Variants in CFAP263 observed in about 807,000 individuals in gnomAD.
CFAP263 encodes cilia- and flagella-associated protein 263.
At chr16:58,252,912 A>G in the CFAP263 span, 3 of 1,575,326 alleles carry the variant, frequency 1.9e-6, no homozygotes, top group African/African-American at 4.0e-5. Flanking sequence ...TGCAAGTGGT[A>G]TTTGTTTATC....
At chr16:58,266,159 C>G in the CFAP263 span, among the ~76,000 whole-genome samples, 516 of 152,006 alleles carry the variant, frequency 3.4e-3, 2 homozygotes, top group Middle Eastern at 6.8e-3. Flanking sequence ...AGAAGTTCCC[C>G]CAGGCAGGTG....
At chr16:58,256,066 T>C in the CFAP263 span, among the ~76,000 whole-genome samples, 1 of 152,248 alleles carries the variant, frequency 6.6e-6, no homozygotes, top group Non-Finnish European at 1.5e-5. Flanking sequence ...TTCTGTTCTA[T>C]TTCTAAAGTT....
chr16:58,261,710 T>C, the CFAP263 span, among the ~76,000 whole-genome samples: 1 of 152,084 alleles, frequency 6.6e-6, no homozygotes, highest in Admixed American at 6.5e-5. Flanking sequence ...GGGAAGAAGA[T>C]GAATCCCAGG....
At chr16:58,259,528 A>T in the CFAP263 span, among the ~76,000 whole-genome samples, 1 of 152,246 alleles carries the variant, frequency 6.6e-6, no homozygotes, top group African/African-American at 2.4e-5. Flanking sequence ...AGTAATAAAA[A>T]TTATGTAAAC....
chr16:58,264,452 A>G, the CFAP263 span, among the ~76,000 whole-genome samples: 2 of 152,228 alleles, frequency 1.3e-5, no homozygotes, highest in Non-Finnish European at 2.9e-5. Context: ...CGCAGGCCAC[A>G]GTGGGCAGAG....
chr16:58,250,282 T>A, the CFAP263 span: 1 of 542,844 alleles, frequency 1.8e-6, no homozygotes, highest in African/African-American at 2.0e-5. Context: ...AACAAGCTGT[T>A]GGTGGAGCTA....
the CFAP263 span, among the ~76,000 whole-genome samples, chr16:58,262,211 C>G: frequency 6.6e-6 from 1 of 152,110 alleles, no homozygotes; most frequent in Non-Finnish European, 1.5e-5. Flanking sequence ...ACTTAAATCT[C>G]TACACCCAGT....
chr16:58,265,593 C>T, the CFAP263 span, among the ~76,000 whole-genome samples: 1 of 96,502 alleles, frequency 1.0e-5, no homozygotes, highest in Non-Finnish European at 2.2e-5. Context: ...AGAACCACAG[C>T]TCTGGGCGGA....
the CFAP263 span, chr16:58,259,783 C>T: frequency 4.1e-6 from 4 of 975,008 alleles, no homozygotes; most frequent in South Asian, 4.8e-5. Context: ...CCAGAACCAT[C>T]CACTTTTCAA....
chr16:58,280,521 T>C, the CFAP263 span: 2 of 1,614,174 alleles, frequency 1.2e-6, no homozygotes, highest in Non-Finnish European at 1.7e-6. Context: ...ATGTCTTCTG[T>C]GTCATGGTGG....
chr16:58,280,094 T>C, the CFAP263 span: 1 of 892,942 alleles, frequency 1.1e-6, no homozygotes, highest in Non-Finnish European at 1.7e-6. Flanking sequence ...GCCAGCCCAG[T>C]GTATGCCATG....
chr16:58,279,573 C>A, the CFAP263 span: 2 of 800,522 alleles, frequency 2.5e-6, no homozygotes, highest in Non-Finnish European at 3.9e-6. Flanking sequence ...GTTGCCTGCA[C>A]CATCACGGGG....
the CFAP263 span, chr16:58,280,380 G>A: frequency 6.2e-7 from 1 of 1,614,140 alleles, no homozygotes; most frequent in South Asian, 1.1e-5. Context: ...CAGGAGACCT[G>A]CCTGATTCCT....
the CFAP263 span, among the ~76,000 whole-genome samples, chr16:58,258,024 C>T: frequency 6.6e-6 from 1 of 150,864 alleles, no homozygotes; most frequent in African/African-American, 2.4e-5. Context: ...AGGAGAATTG[C>T]TCGAACCGAG....
At chr16:58,254,275 G>A in the CFAP263 span, 59 of 1,100,670 alleles carry the variant, frequency 5.4e-5, no homozygotes, top group Middle Eastern at 4.0e-3. Flanking sequence ...ACACAGGTAG[G>A]ATGAAGCGAA....
chr16:58,258,376 TGAG>T, the CFAP263 span: 1 of 1,613,954 alleles, frequency 6.2e-7, no homozygotes, highest in East Asian at 2.2e-5. Context: ...AGGCGATCAT[TGAG>T]GAGGCTGAAA....
At chr16:58,278,631 A>G in the CFAP263 span, 1 of 1,613,954 alleles carries the variant, frequency 6.2e-7, no homozygotes, top group Admixed American at 1.7e-5. Context: ...AAGTGGAGAT[A>G]GCAGAGGTGA....
chr16:58,264,698 C>G, the CFAP263 span, among the ~76,000 whole-genome samples: 1 of 152,118 alleles, frequency 6.6e-6, no homozygotes, highest in African/African-American at 2.4e-5. Context: ...GTCGAATGAA[C>G]TGCTTGCAGA....
the CFAP263 span, among the ~76,000 whole-genome samples, chr16:58,262,118 A>G: frequency 3.8e-4 from 58 of 150,764 alleles, no homozygotes; most frequent in African/African-American, 1.4e-3. Flanking sequence ...CGAACAACAC[A>G]TCGCACTGCA....
Sources: allele counts gnomAD v4.1 joint callset (sites outside exome capture counted in the v4.1 genomes callset), GRCh38; gene constraint gnomAD v4.1.1; transcripts MANE v1.5; gene names NCBI Gene and HGNC (gene_info 2026-07-23, HGNC 2026-07-21).